The following TMTC2 variants were observed in gnomAD, a reference collection of about 807,000 sequenced individuals.
TMTC2 encodes protein O-mannosyl-transferase TMTC2.
In TMTC2, 43 loss-of-function variants were observed where a neutral mutation model predicts 82.4. The observed-to-expected ratio is 0.52, with a 90% confidence interval of 0.41 to 0.67. TMTC2 has a LOEUF of 0.67. Among genes scored for constraint, TMTC2 ranks in the 30% least tolerant of loss-of-function variants. The pLI, the probability that TMTC2 is intolerant of heterozygous loss-of-function variation, is 0.00. For missense variants in TMTC2, 919 were observed against 1,012.4 expected, an observed-to-expected ratio of 0.91 and a Z score of 1.25; for synonymous variants, 408 against 381.9, an observed-to-expected ratio of 1.07 and a Z score of -0.80.
At chr12:82,743,585 A>G (rs778067127) in intron 1 of TMTC2, among the ~76,000 whole-genome samples, 27 of 152,226 alleles carry the variant, frequency 1.8e-4, no homozygotes, top group Non-Finnish European at 2.8e-4. Context: ...TTCCCTTTCA[A>G]CCAGGCTGGT....
chr12:82,713,336 AAAAAAC>A (rs1231709803), intron 1 of TMTC2, among the ~76,000 whole-genome samples: 1 of 152,144 alleles, frequency 6.6e-6, no homozygotes, highest in Non-Finnish European at 1.5e-5. Flanking sequence ...GAAAAACAAA[AAAAAAC>A]AAAAACAAAA....
intron 1 of TMTC2, among the ~76,000 whole-genome samples, chr12:82,839,810 C>A (rs1870238046): frequency 6.6e-6 from 1 of 152,112 alleles, no homozygotes; most frequent in South Asian, 2.1e-4. Context: ...TGATATAAGT[C>A]CTGTAACTTC....
At position 83,045,171 on chromosome 12, in the gene TMTC2, G is replaced by A. The variant is rs1882041080; in HGVS notation, c.2153-5733G>A. On this transcript the variant is annotated intron_variant, in intron 9 of 11. Coordinates refer to ENST00000321196, the MANE Select transcript of TMTC2 (RefSeq NM_152588.3). ...CCCTTTTCCCACTTTAGCCCATGAG[G>A]AGATTTTATGCTCTTTGTCTCTGGA... Among the ~76,000 whole-genome samples the A allele has an allele frequency of 2.0e-5, 3 of 152,248 alleles. No homozygotes were observed. In the South Asian group the frequency reaches 6.2e-4, roughly 32 times the overall value.
At chr12:83,114,409 A>G (rs1884692453) in intron 11 of TMTC2, among the ~76,000 whole-genome samples, 2 of 152,132 alleles carry the variant, frequency 1.3e-5, no homozygotes, top group South Asian at 4.1e-4. Flanking sequence ...GACTCCAGGA[A>G]CTGTGAGAAA....
chr12:82,876,014 GGTA>G (rs1416705401), intron 2 of TMTC2, among the ~76,000 whole-genome samples: 2 of 135,242 alleles, frequency 1.5e-5, no homozygotes, highest in South Asian at 2.5e-4. Flanking sequence ...TAATGGTAAT[GGTA>G]GTAGTGGTGG....
At chr12:82,699,146 A>T (rs953894661) in intron 1 of TMTC2, among the ~76,000 whole-genome samples, 2 of 152,110 alleles carry the variant, frequency 1.3e-5, no homozygotes, top group African/African-American at 4.8e-5. Flanking sequence ...TTTCACTTGG[A>T]GTCTGTGGTT....
chr12:82,704,834 A>G lies in TMTC2; in HGVS notation c.83+17165A>G, dbSNP rs551855493. Among the ~76,000 whole-genome samples, 7 of 152,320 alleles carry G rather than the reference A, an allele frequency of 4.6e-5. No homozygotes were observed. In the South Asian group the frequency reaches 1.2e-3, roughly 27 times the overall value. On this transcript the variant is annotated intron_variant, in intron 1 of 11. Transcript: ENST00000321196. ...GGAAATTAAGAAAGCAACAAAAATT[A>G]TAAGAATAATTGCCCTTATAAAGAA...
chr12:82,865,306 A>T (rs552491605), intron 2 of TMTC2, among the ~76,000 whole-genome samples: 2 of 152,156 alleles, frequency 1.3e-5, no homozygotes, highest in Non-Finnish European at 2.9e-5. Flanking sequence ...GAATAAAGGG[A>T]TGGAGGAAGA....
At chr12:82,786,369 A>G (rs1878175493) in intron 1 of TMTC2, among the ~76,000 whole-genome samples, 1 of 152,118 alleles carries the variant, frequency 6.6e-6, no homozygotes, top group Non-Finnish European at 1.5e-5. Context: ...ATCACAAGGT[A>G]TAGTACATTA....
At chr12:82,807,836 A>G (rs10778912) in intron 1 of TMTC2, among the ~76,000 whole-genome samples, 29,240 of 151,972 alleles carry the variant, frequency 0.19, 3,146 homozygotes, top group Middle Eastern at 0.34. Context: ...GTCTGAACAA[A>G]AGAGAGTTTA....
intron 1 of TMTC2, among the ~76,000 whole-genome samples, chr12:82,753,159 G>T (rs974099946): frequency 6.6e-6 from 1 of 152,200 alleles, no homozygotes; most frequent in South Asian, 2.1e-4. Context: ...CCTTTCAGCT[G>T]CTCATCTTTT....
At chr12:82,717,711 C>G (rs1270842454) in intron 1 of TMTC2, among the ~76,000 whole-genome samples, 1 of 152,098 alleles carries the variant, frequency 6.6e-6, no homozygotes, top group Non-Finnish European at 1.5e-5. Flanking sequence ...AGAAGACATT[C>G]ATTTAGTAAA....
intron 8 of TMTC2, among the ~76,000 whole-genome samples, chr12:83,026,071 C>T (rs764880825): frequency 2.1e-4 from 32 of 152,146 alleles, no homozygotes; most frequent in African/African-American, 3.1e-4. Flanking sequence ...CTCCTCTTCC[C>T]GGAGAATTGT....
intron 4 of TMTC2, among the ~76,000 whole-genome samples, chr12:82,963,741 C>T (rs892731807): frequency 7.6e-6 from 1 of 130,914 alleles, no homozygotes; most frequent in Non-Finnish European, 1.6e-5. Flanking sequence ...AAGAACACTT[C>T]ACAGCACAGC....
chr12:82,694,043 G>A (rs1170241619), intron 1 of TMTC2, among the ~76,000 whole-genome samples: 1 of 149,402 alleles, frequency 6.7e-6, no homozygotes, highest in Non-Finnish European at 1.5e-5. Flanking sequence ...TTGGTTTTTT[G>A]GGTTTATAAC....
chr12:83,005,728 G>T (rs571202525), intron 8 of TMTC2, among the ~76,000 whole-genome samples: 1 of 152,188 alleles, frequency 6.6e-6, no homozygotes, highest in Non-Finnish European at 1.5e-5. Context: ...TTGCCCCAGG[G>T]TGGGGTTGCT....
At chr12:82,730,864 TC>T (rs1874765862) in intron 1 of TMTC2, among the ~76,000 whole-genome samples, 1 of 152,164 alleles carries the variant, frequency 6.6e-6, no homozygotes, top group African/African-American at 2.4e-5. Flanking sequence ...AGAGGTAAAA[TC>T]AAACGGGTAT....
At chr12:83,080,425 A>G (rs967149319) in intron 11 of TMTC2, among the ~76,000 whole-genome samples, 1 of 152,076 alleles carries the variant, frequency 6.6e-6, no homozygotes, top group East Asian at 1.9e-4. Context: ...TAAGATTTTT[A>G]TATCTGTAAT....
chr12:82,952,536 C>T (rs1329841894), intron 4 of TMTC2, among the ~76,000 whole-genome samples: 1 of 151,974 alleles, frequency 6.6e-6, no homozygotes, highest in African/African-American at 2.4e-5. Flanking sequence ...CACACACACA[C>T]ACATATGTAT....
Sources: gnomAD v4.1 joint callset for allele counts (sites outside exome capture counted in the v4.1 genomes callset) on GRCh38, gnomAD v4.1.1 for gene constraint, MANE v1.5 for transcripts, NCBI Gene and HGNC (gene_info 2026-07-23, HGNC 2026-07-21) for gene names.